The following VPS50 variants were observed in gnomAD, a reference collection of about 807,000 sequenced individuals.
The protein encoded by VPS50 is syndetin.
VPS50 carries 70 observed loss-of-function variants against 139.7 expected under a neutral mutation model. The ratio of observed to expected loss-of-function variants is 0.50; its 90% CI spans 0.41 to 0.61. VPS50 has a LOEUF of 0.61. Ranked by LOEUF, VPS50 falls within the 20% of genes least tolerant of loss-of-function variation. The pLI, the probability that VPS50 is intolerant of heterozygous loss-of-function variation, is 0.00. For synonymous variants in VPS50, 365 were observed against 376.7 expected (o/e 0.97, Z 0.36); for missense variants, 921 against 1,133.7 (o/e 0.81, Z 2.69).
chr7:93,347,629 T>A (rs1798436910), intron 23 of VPS50, among the ~76,000 whole-genome samples: 2 of 145,446 alleles, frequency 1.4e-5, no homozygotes, highest in South Asian at 4.4e-4. Context: ...ATATACAGCA[T>A]GGAATACTAT....
chr7:93,330,545 G>C (rs1718131675), intron 21 of VPS50, among the ~76,000 whole-genome samples: 2 of 152,114 alleles, frequency 1.3e-5, no homozygotes, highest in Admixed American at 1.3e-4. Flanking sequence ...CTTGAGCCCA[G>C]AAGTTCGAGA....
intron 22 of VPS50, 109 bp from the exon 23 acceptor site, chr7:93,341,318 T>C (rs1317545170): frequency 6.0e-6 from 4 of 662,624 alleles, no homozygotes; most frequent in Non-Finnish European, 2.5e-6. Context: ...TAAATGTAAT[T>C]AACGTGTGCC....
At chr7:93,241,412 A>G (rs1794986574) in intron 2 of VPS50, among the ~76,000 whole-genome samples, 1 of 152,130 alleles carries the variant, frequency 6.6e-6, no homozygotes, top group African/African-American at 2.4e-5. Context: ...GGTGAAGAGT[A>G]AGCCTAAAGC....
rs1796750905 is a variant in VPS50, at chr7:93,294,635, A to G, written c.1166A>G (p.Gln389Arg). The G allele has an allele frequency of 6.4e-7, 1 of 1,572,754 alleles. No homozygotes were observed. The highest frequency in any genetic ancestry group is 1.2e-5 in the South Asian group (1 of 82,986). The change falls in exon 14 of 28, where the codon CAG becomes CGG. Residue 389 changes from glutamine (Q) to arginine (R), a missense_variant and splice_region_variant. Gln to Arg is a conservative substitution (Grantham distance 43). Around this residue, in one of 3 missense-constraint regions of VPS50, gnomAD observed 744 missense variants for 930.6 expected, o/e 0.80. Transcript: ENST00000305866. The part of the protein sequence containing the change: ...KLEHGLTRIW[Q>R]DVQLKVKTYL... ...GAACATGGACTTACACGAATATGGC[A>G]GGTTTGGTTTTTTTAAAATTATTTT... is the stretch of plus-strand genomic sequence containing the variant.
At chr7:93,288,082 G>A (rs1796543919) in intron 12 of VPS50, among the ~76,000 whole-genome samples, 3 of 152,040 alleles carry the variant, frequency 2.0e-5, no homozygotes, top group African/African-American at 7.2e-5. Context: ...TGGCAAGAGG[G>A]CTTGTGCAGA....
At chr7:93,298,350 G>T (rs767114693) in intron 16 of VPS50, among the ~76,000 whole-genome samples, 61 of 152,114 alleles carry the variant, frequency 4.0e-4, no homozygotes, top group Non-Finnish European at 7.6e-4. Context: ...TAAAACTTAA[G>T]CCCTGACTAA....
rs1203724517 is a variant in VPS50 at position 93,305,910 on chromosome 7, C to T, written c.1535C>T (p.Thr512Ile). Residue 512 changes from threonine (T) to isoleucine (I), a missense_variant, in exon 18 of 28, where the codon ACC (threonine) becomes ATC (isoleucine). Thr to Ile is a moderately conservative substitution (Grantham distance 89). Coordinates refer to ENST00000305866, the MANE Select transcript of VPS50 (RefSeq NM_017667.4). ...GTCTCAACTTCTTCAAAAACAGTGA[C>T]CTTGTTTGAGCAGTACTGTAGTGGT... is the stretch of plus-strand genomic sequence containing the variant. ...QPVSTSSKTVTLFEQYCSGGN... is the reference protein window; with the variant it reads ...QPVSTSSKTVILFEQYCSGGN... The T allele has an allele frequency of 8.1e-6, 13 of 1,612,030 alleles. No homozygotes were observed. Among genetic ancestry groups the T allele is most frequent in the Admixed American group, 1.7e-5 (1 of 59,930 alleles).
At chr7:93,326,278 C>T (rs1216956757) in intron 21 of VPS50, among the ~76,000 whole-genome samples, 1 of 116,882 alleles carries the variant, frequency 8.6e-6, no homozygotes, top group East Asian at 2.4e-4. Flanking sequence ...AGGGGAACAT[C>T]ACACTCTGGG....
At chr7:93,270,882 G>C (rs1319918117) in intron 9 of VPS50, among the ~76,000 whole-genome samples, 2 of 151,902 alleles carry the variant, frequency 1.3e-5, no homozygotes, top group African/African-American at 2.4e-5. Flanking sequence ...AGATCACTGA[G>C]AAAGAGGATA....
chr7:93,353,871 C>T (rs1798625609), intron 26 of VPS50, 110 bp downstream of exon 26: 1 of 866,564 alleles, frequency 1.2e-6, no homozygotes, highest in African/African-American at 1.7e-5. Flanking sequence ...TAACAACTAG[C>T]AGACAAGTTT....
At chr7:93,319,699 A>G (rs1207168320) in intron 20 of VPS50, among the ~76,000 whole-genome samples, 1 of 152,062 alleles carries the variant, frequency 6.6e-6, no homozygotes, top group Non-Finnish European at 1.5e-5. Flanking sequence ...TTTTGATCTG[A>G]AGGCTCCTGT....
intron 16 of VPS50, among the ~76,000 whole-genome samples, chr7:93,298,799 GA>G (rs1796887729): frequency 6.6e-6 from 1 of 152,160 alleles, no homozygotes; most frequent in Non-Finnish European, 1.5e-5. Flanking sequence ...AAACATTTGT[GA>G]AACTTATTTC....
intron 24 of VPS50, among the ~76,000 whole-genome samples, chr7:93,349,560 A>C (rs1798500382): frequency 6.6e-6 from 1 of 152,294 alleles, no homozygotes; most frequent in South Asian, 2.1e-4. Context: ...GAATCCTGAC[A>C]TCATGTAGTG....
intron 16 of VPS50, among the ~76,000 whole-genome samples, chr7:93,299,503 T>C (rs1402855430): frequency 6.6e-6 from 1 of 152,170 alleles, no homozygotes; most frequent in Non-Finnish European, 1.5e-5. Context: ...CATGGTCCTC[T>C]CCTGCCAAAT....
intron 22 of VPS50, among the ~76,000 whole-genome samples, chr7:93,335,092 A>G (rs1342180748): frequency 6.6e-6 from 1 of 152,228 alleles, no homozygotes; most frequent in Non-Finnish European, 1.5e-5. Context: ...TATGCCAGGC[A>G]TTGTTAAAGA....
intron 2 of VPS50, among the ~76,000 whole-genome samples, chr7:93,242,969 G>T (rs1795040013): frequency 6.6e-6 from 1 of 151,912 alleles, no homozygotes; most frequent in South Asian, 2.1e-4. Flanking sequence ...AAGGGCACTA[G>T]GTGTGCTTGA....
At chr7:93,304,676 A>C (rs1375193369) in intron 17 of VPS50, among the ~76,000 whole-genome samples, 1 of 151,808 alleles carries the variant, frequency 6.6e-6, no homozygotes, top group Non-Finnish European at 1.5e-5. Flanking sequence ...ACGTTGTCAA[A>C]CTTAGTATAA....
At chr7:93,338,252 T>C (rs924165554) in intron 22 of VPS50, among the ~76,000 whole-genome samples, 1 of 152,152 alleles carries the variant, frequency 6.6e-6, no homozygotes, top group Non-Finnish European at 1.5e-5. Flanking sequence ...ACAATACATA[T>C]TGCATGCCTA....
intron 21 of VPS50, among the ~76,000 whole-genome samples, chr7:93,328,936 T>G (rs560546976): frequency 6.6e-6 from 1 of 152,028 alleles, no homozygotes; most frequent in African/African-American, 2.4e-5. Context: ...AAAAAAAATA[T>G]AAACGGAGAC....
Sources: gnomAD v4.1 joint callset for allele counts (sites outside exome capture counted in the v4.1 genomes callset) on GRCh38, gnomAD v4.1.1 for gene constraint, gnomAD v4.1.1 regional missense constraint, MANE v1.5 for transcripts, NCBI Gene and HGNC (gene_info 2026-07-23, HGNC 2026-07-21) for gene names.